The following ZFAT variants were observed in gnomAD, a reference collection of about 807,000 sequenced individuals.
ZFAT encodes zinc finger and AT-hook domain containing, also known as zinc finger protein ZFAT.
In ZFAT, 64 loss-of-function variants were observed where a neutral mutation model predicts 117.7. The observed-to-expected ratio is 0.54, with a 90% CI of 0.44 to 0.67. The LOEUF (loss-of-function observed/expected upper bound fraction) is 0.67, where lower values mean the gene tolerates loss of function less well. Among genes scored for constraint, ZFAT ranks in the 30% least tolerant of loss-of-function variants. The pLI, the probability that ZFAT is intolerant of heterozygous loss-of-function variation, is 0.00. For synonymous variants in ZFAT, 679 were observed against 615.0 expected (o/e 1.10, Z -1.54); for missense variants, 1,433 against 1,584.5 (o/e 0.90, Z 1.62).
chr8:134,535,021 T>C (rs752097907), intron 11 of ZFAT, among the ~76,000 whole-genome samples: 4 of 152,136 alleles, frequency 2.6e-5, no homozygotes, highest in Non-Finnish European at 4.4e-5. Flanking sequence ...CCTATCTCCT[T>C]AGGCTGGCTG....
intron 11 of ZFAT, among the ~76,000 whole-genome samples, chr8:134,536,267 A>G (rs766910642): frequency 1.3e-5 from 2 of 152,194 alleles, no homozygotes; most frequent in African/African-American, 4.8e-5. Context: ...TCCCTCCATG[A>G]AAGACTTTCT....
intron 9 of ZFAT, among the ~76,000 whole-genome samples, chr8:134,587,822 C>T (rs898770103): frequency 1.3e-5 from 2 of 152,314 alleles, no homozygotes; most frequent in Admixed American, 6.5e-5. Context: ...GGTAACACTC[C>T]AAACTGCTGG....
chr8:134,534,584 G>C (rs1335050806), intron 11 of ZFAT, among the ~76,000 whole-genome samples: 2 of 149,586 alleles, frequency 1.3e-5, no homozygotes, highest in Non-Finnish European at 2.9e-5. Flanking sequence ...AAGAGGGAGA[G>C]AGAGAAGGGA....
intron 1 of ZFAT, among the ~76,000 whole-genome samples, chr8:134,667,065 A>G (rs925093709): frequency 1.7e-4 from 26 of 152,356 alleles, no homozygotes; most frequent in African/African-American, 6.3e-4. Context: ...GTTCTCACTC[A>G]TAAGTGGGAG....
At chr8:134,581,327 G>A (rs1825695831) in intron 10 of ZFAT, among the ~76,000 whole-genome samples, 1 of 152,156 alleles carries the variant, frequency 6.6e-6, no homozygotes, top group Non-Finnish European at 1.5e-5. Context: ...GCAGCCCTGT[G>A]GGAAAGCAAT....
the ZFAT span, among the ~76,000 whole-genome samples, chr8:134,806,700 A>G: frequency 6.6e-6 from 1 of 152,222 alleles, no homozygotes; most frequent in Non-Finnish European, 1.5e-5. Flanking sequence ...AACAATACAT[A>G]GAATATTTTC....
chr8:134,478,477 G>A lies in ZFAT; in HGVS notation c.*5C>T, dbSNP rs1353820977. On this transcript the variant is annotated 3_prime_UTR_variant, in exon 16 of 16. Transcript: ENST00000377838. The surrounding 1 kb of genome is among the most constrained non-coding windows in gnomAD (Gnocchi z 5.2). Reference sequence around the variant, plus strand: ...GCCCTGTGGCCATCCGATGCCACATGTCCTCTAGAGTTCCTGGGCCGGCTG... The same window carrying A: ...GCCCTGTGGCCATCCGATGCCACATATCCTCTAGAGTTCCTGGGCCGGCTG... 1 of 1,558,810 alleles carries A rather than the reference G, an allele frequency of 6.4e-7. No homozygotes were observed. Among genetic ancestry groups the A allele is most frequent in the Non-Finnish European group, 8.7e-7 (1 of 1,151,544 alleles).
At chr8:134,711,423 T>C (rs954750271) in intron 1 of ZFAT, among the ~76,000 whole-genome samples, 28 of 152,196 alleles carry the variant, frequency 1.8e-4, no homozygotes, top group African/African-American at 6.0e-4. Context: ...AGAGCAAGTC[T>C]CTCCGGTGCT....
At chr8:134,630,595 G>A (rs1164837738) in intron 3 of ZFAT, among the ~76,000 whole-genome samples, 1 of 152,132 alleles carries the variant, frequency 6.6e-6, no homozygotes, top group Admixed American at 6.5e-5. Flanking sequence ...TGCCTAAGAT[G>A]ACCCCAGAAA....
At chr8:134,653,270 T>TTAAAAAAAAAAA (rs1554615159) in intron 2 of ZFAT, among the ~76,000 whole-genome samples, 6 of 91,884 alleles carry the variant, frequency 6.5e-5, no homozygotes, top group Non-Finnish European at 1.0e-4. Context: ...ATGTCTTTTT[T>TTAAAAAAAAAAA]AAAAAAAAAA....
intron 1 of ZFAT, among the ~76,000 whole-genome samples, chr8:134,671,084 C>T (rs1350436517): frequency 6.6e-6 from 1 of 152,176 alleles, no homozygotes; most frequent in African/African-American, 2.4e-5. Context: ...AGACCAATAA[C>T]AGGCTCTGAA....
chr8:134,605,553 CAAAAAAA>C (rs747188059), intron 5 of ZFAT, among the ~76,000 whole-genome samples: 2 of 89,626 alleles, frequency 2.2e-5, no homozygotes, highest in African/African-American at 3.8e-5. Context: ...GACCCCATCT[CAAAAAAA>C]AAAAAAAAAG....
chr8:134,789,651 G>T, the ZFAT span, among the ~76,000 whole-genome samples: 1 of 152,266 alleles, frequency 6.6e-6, no homozygotes, highest in East Asian at 1.9e-4. Context: ...GGATCATAAA[G>T]AACAGAAAAA....
rs143108356 is a variant in ZFAT, at chr8:134,565,021, T to G, written c.2976+312A>C. 1.6e-3 allele frequency: 2,059 copies of G among 1,319,656 alleles called. 29 individuals carry two copies. In the African/African-American group the frequency reaches 0.027, roughly 17 times the overall value. 81.7% of individuals were successfully genotyped at this position (1,319,656 alleles called of 1,614,324 possible). ...TCCAGGATCTGAAAGCAAAAATACG[T>G]GTCCCTAAAGCCTGCAAGCCTTCCT... On this transcript the variant is annotated intron_variant, in intron 11 of 15. Coordinates refer to ENST00000377838, the MANE Select transcript of ZFAT (RefSeq NM_020863.4).
intron 1 of ZFAT, among the ~76,000 whole-genome samples, chr8:134,663,301 C>A (rs1182597864): frequency 2.6e-5 from 4 of 152,158 alleles, no homozygotes; most frequent in African/African-American, 9.7e-5. Flanking sequence ...CAGGGAAACG[C>A]TCCTAATGAA....
intron 3 of ZFAT, among the ~76,000 whole-genome samples, chr8:134,624,180 GCACACACACACA>G (rs57195425): frequency 4.1e-5 from 6 of 146,296 alleles, no homozygotes; most frequent in East Asian, 2.0e-4. Flanking sequence ...ATGTGCACAT[GCACACACACACA>G]CACACACACA....
At chr8:134,755,998 T>C in the ZFAT span, among the ~76,000 whole-genome samples, 1 of 152,182 alleles carries the variant, frequency 6.6e-6, no homozygotes, top group East Asian at 1.9e-4. Flanking sequence ...TTCACTTTCT[T>C]CTCTGTCTTC....
the ZFAT span, among the ~76,000 whole-genome samples, chr8:134,758,846 C>T: frequency 5.1e-3 from 774 of 152,254 alleles, 4 homozygotes; most frequent in Non-Finnish European, 8.5e-3. Context: ...ATCACTGCCC[C>T]AAATAAAAGC....
intron 10 of ZFAT, among the ~76,000 whole-genome samples, chr8:134,575,929 T>A (rs1825264522): frequency 6.6e-6 from 1 of 152,244 alleles, no homozygotes; most frequent in Non-Finnish European, 1.5e-5. Context: ...CTCTGTACTT[T>A]AAAGGCTGAA....
Sources: gnomAD v4.1 joint callset for allele counts (sites outside exome capture counted in the v4.1 genomes callset) on GRCh38, gnomAD v4.1.1 for gene constraint, Gnocchi (gnomAD v3.1) non-coding constraint, MANE v1.5 for transcripts, NCBI Gene and HGNC (gene_info 2026-07-23, HGNC 2026-07-21) for gene names.